The following PCDHGA5 variants were observed in gnomAD, a reference collection of about 807,000 sequenced individuals.
PCDHGA5 encodes protocadherin gamma subfamily A, 5.
PCDHGA5 carries 36 observed loss-of-function variants against 56.7 expected under a neutral mutation model. The observed-to-expected ratio is 0.64, with a 90% CI of 0.49 to 0.84. PCDHGA5 has a LOEUF of 0.84. PCDHGA5 is among the 40% of genes least tolerant of loss of function. The pLI, the probability that PCDHGA5 is intolerant of heterozygous loss-of-function variation, is 0.00. For missense variants in PCDHGA5, 1,305 were observed against 1,201.5 expected (o/e 1.09, Z -1.27); for synonymous variants, 563 against 520.2 (o/e 1.08, Z -1.12).
At chr5:141,471,079 C>T (rs1169560328) in intron 1 of PCDHGA5, among the ~76,000 whole-genome samples, 1 of 145,256 alleles carries the variant, frequency 6.9e-6, no homozygotes, top group African/African-American at 2.5e-5. Context: ...GACAGGGTCT[C>T]CCTCTGTTGT....
chr5:141,423,230 G>C (rs1223173152), intron 1 of PCDHGA5: 1 of 1,613,872 alleles, frequency 6.2e-7, no homozygotes, highest in Admixed American at 1.7e-5. Context: ...GTGGCCGACA[G>C]CATCCCCGAA....
chr5:141,379,623 A>G (rs1775713746), intron 1 of PCDHGA5: 1 of 152,198 alleles, frequency 6.6e-6, no homozygotes, highest in African/African-American at 2.4e-5. Flanking sequence ...AACAAATAAA[A>G]TATTTCTCTG....
chr5:141,391,134 C>T (rs2092305385), intron 1 of PCDHGA5: 1 of 152,118 alleles, frequency 6.6e-6, no homozygotes, highest in African/African-American at 2.4e-5. Context: ...TAATCATTCT[C>T]CTACCTCTAG....
At chr5:141,464,300 A>T (rs1349155102) in intron 1 of PCDHGA5, among the ~76,000 whole-genome samples, 2 of 149,898 alleles carry the variant, frequency 1.3e-5, no homozygotes, top group African/African-American at 4.9e-5. Flanking sequence ...ACTCCATTGT[A>T]TGTGCACATA....
intron 1 of PCDHGA5, chr5:141,416,685 A>T (rs1292141199): frequency 1.3e-5 from 2 of 152,384 alleles, no homozygotes; most frequent in East Asian, 3.9e-4. Flanking sequence ...AAGGGAAATT[A>T]TATAAACAAA....
At chr5:141,415,614 G>A (rs1476229913) in intron 1 of PCDHGA5, 1 of 1,612,128 alleles carries the variant, frequency 6.2e-7, no homozygotes, top group Admixed American at 1.7e-5. Flanking sequence ...TGGTTCCAGT[G>A]AGTTTTATTT....
At chr5:141,501,313 ACAC>A (rs2099807743) in intron 2 of PCDHGA5, among the ~76,000 whole-genome samples, 1 of 151,686 alleles carries the variant, frequency 6.6e-6, no homozygotes, top group Non-Finnish European at 1.5e-5. Context: ...ACACACACAC[ACAC>A]ACACACACAC....
chr5:141,434,564 A>C (rs2097703207), intron 1 of PCDHGA5, among the ~76,000 whole-genome samples: 1 of 152,228 alleles, frequency 6.6e-6, no homozygotes, highest in Admixed American at 6.5e-5. Context: ...CCTTAAGGAC[A>C]TGCCCCTGCT....
rs750033444 is a variant in PCDHGA5 at position 141,432,950 on chromosome 5, G to C, written c.2422-61857G>C. 1.2e-6 allele frequency: 2 copies of C among 1,614,190 alleles called. No homozygotes were observed. The highest frequency in any genetic ancestry group is 1.7e-6 in the Non-Finnish European group (2 of 1,180,032). ...ACGCCTGCTGCAGGCTTCAGGAGGC[G>C]GCTTGACAGGAGCGCCGGCGTCGCA... On this transcript the variant is annotated intron_variant, in intron 1 of 3. Transcript: ENST00000518069. The surrounding 1 kb of genome is among the most constrained non-coding windows in gnomAD (Gnocchi z 6.0).
rs1418195492 is a variant in PCDHGA5 at position 141,431,459 on chromosome 5, G to T, written c.2422-63348G>T. 4 of 1,613,692 alleles carry T rather than the reference G, an allele frequency of 2.5e-6. No homozygotes were observed. The highest frequency in any genetic ancestry group is 3.4e-6 in the Non-Finnish European group (4 of 1,179,994). Reference sequence around the variant, plus strand: ...CGCGCGCATCCGCGTGATGGTTCTGGATGCGAACGACAACGCACCAGCGTT... The same window carrying T: ...CGCGCGCATCCGCGTGATGGTTCTGTATGCGAACGACAACGCACCAGCGTT... On this transcript the variant is annotated intron_variant, in intron 1 of 3. Transcript: ENST00000518069. This position sits in a 1 kb window ranked among gnomAD's most constrained non-coding sequence, Gnocchi z 4.8.
chr5:141,399,833 C>T (rs1233031581), intron 1 of PCDHGA5: 1 of 1,613,140 alleles, frequency 6.2e-7, no homozygotes, highest in Non-Finnish European at 8.5e-7. Context: ...GACGGCTCTG[C>T]GCTCTTCGAT....
chr5:141,449,160 T>G (rs6867451), intron 1 of PCDHGA5, among the ~76,000 whole-genome samples: 8,161 of 152,140 alleles, frequency 0.054, 458 homozygotes, highest in African/African-American at 0.15. Context: ...AAAGAGGAAA[T>G]AGGTGTAATT....
In PCDHGA5 at chr5:141,476,321, G is replaced by GT; in HGVS notation, c.2422-18485dup. ...CCTCTCAGCCCGCAGGTTCCGGGTG[G>GT]TGTCTGGAGCTAGCCGAAGATTCTT... On this transcript the variant is annotated intron_variant, in intron 1 of 3. Coordinates refer to ENST00000518069, the MANE Select transcript of PCDHGA5 (RefSeq NM_018918.3). The surrounding 1 kb of genome is among the most constrained non-coding windows in gnomAD (Gnocchi z 7.6). The GT allele has an allele frequency of 6.2e-7, 1 of 1,614,196 alleles. No individual in the cohort carries two copies. Among genetic ancestry groups the GT allele is most frequent in the Non-Finnish European group, 8.5e-7 (1 of 1,180,050 alleles).
chr5:141,511,419 G>A lies in PCDHGA5; in HGVS notation c.*246G>A, dbSNP rs1437533706. On this transcript the variant is annotated 3_prime_UTR_variant, in exon 4 of 4. Coordinates refer to ENST00000518069, the MANE Select transcript of PCDHGA5 (RefSeq NM_018918.3). Reference sequence around the variant, plus strand: ...ATCCAATCAACTGCTGTACCCATGGGGGTAGTGGGGTTACTGTAGACACCA... The same window carrying A: ...ATCCAATCAACTGCTGTACCCATGGAGGTAGTGGGGTTACTGTAGACACCA... 1.2e-6 allele frequency: 1 copy of A among 830,454 alleles called. No individual in the cohort carries two copies. The highest frequency in any genetic ancestry group is 1.7e-5 in the African/African-American group (1 of 58,076). 51.4% of individuals were successfully genotyped at this position (830,454 alleles called of 1,614,324 possible).
rs372245447 is a variant in PCDHGA5, at chr5:141,489,609, C to T, written c.2422-5198C>T. ...AGCTAATCCGTGTAGAGGTAGAGAT[C>T]CTGGATCTCAATGACAACTCTCCTA... On this transcript the variant is annotated intron_variant, in intron 1 of 3. Coordinates refer to ENST00000518069, the MANE Select transcript of PCDHGA5 (RefSeq NM_018918.3). This position sits in a 1 kb window ranked among gnomAD's most constrained non-coding sequence, Gnocchi z 4.5. The T allele has an allele frequency of 1.9e-6, 3 of 1,613,934 alleles. No homozygotes were observed. The African/African-American group carries it at 4.0e-5, about 22-fold the overall frequency.
Position 141,487,266 on chromosome 5 carries a change from T to A in PCDHGA5, c.2422-7541T>A. The stretch of plus-strand genomic sequence containing the variant: ...ACCCTCTACTTGGCTGTGTCCCTAG[T>A]GGCAATTTGCTTTGTCTCCTTTGGC... On this transcript the variant is annotated intron_variant, in intron 1 of 3. Transcript: ENST00000518069. This position sits in a 1 kb window ranked among gnomAD's most constrained non-coding sequence, Gnocchi z 5.0. The A allele has an allele frequency of 1.2e-6, 2 of 1,614,172 alleles. No homozygotes were observed. Among genetic ancestry groups the A allele is most frequent in the Non-Finnish European group, 8.5e-7 (1 of 1,180,036 alleles).
Position 141,487,390 on chromosome 5 carries a change from G to A in PCDHGA5, c.2422-7417G>A, listed in dbSNP as rs769886634. On this transcript the variant is annotated intron_variant, in intron 1 of 3. Coordinates refer to ENST00000518069, the MANE Select transcript of PCDHGA5 (RefSeq NM_018918.3). The surrounding 1 kb of genome is among the most constrained non-coding windows in gnomAD (Gnocchi z 5.0). The stretch of plus-strand genomic sequence containing the variant: ...GTGCCTGTCTCACCAGATCTCGAAG[G>A]AGGGAGGGGCTTCCCCCTTCCAATG... 1.2e-6 allele frequency: 2 copies of A among 1,614,182 alleles called. No homozygotes were observed. The highest frequency in any genetic ancestry group is 1.3e-5 in the African/African-American group (1 of 75,070).
At chr5:141,376,234 G>A (rs1426358733) in intron 1 of PCDHGA5, 91 of 1,614,096 alleles carry the variant, frequency 5.6e-5, no homozygotes, top group Non-Finnish European at 7.5e-5. Flanking sequence ...TCAGACTGCA[G>A]CGCTGGCACA....
intron 1 of PCDHGA5, chr5:141,433,291 T>C: frequency 9.1e-7 from 1 of 1,094,048 alleles, no homozygotes; most frequent in Non-Finnish European, 1.3e-6. Context: ...ACTCCTAGGC[T>C]CAAGCAATTA....
Sources: allele counts gnomAD v4.1 joint callset (sites outside exome capture counted in the v4.1 genomes callset), GRCh38; gene constraint gnomAD v4.1.1; non-coding constraint Gnocchi (gnomAD v3.1); transcripts MANE v1.5; gene names NCBI Gene and HGNC (gene_info 2026-07-23, HGNC 2026-07-21).